RARB: variants seen among roughly 807,000 people sequenced by gnomAD.
The protein encoded by RARB is retinoic acid receptor beta.
RARB carries 17 observed loss-of-function variants against 51.9 expected under a neutral mutation model. The observed-to-expected ratio is 0.33, with a 90% CI of 0.22 to 0.49. The LOEUF (loss-of-function observed/expected upper bound fraction) is 0.49. Ranked by LOEUF, RARB falls within the 20% of genes least tolerant of loss-of-function variation. The probability of loss-of-function intolerance (pLI) is 0.99; values close to 1 mark genes in which losing one functional copy is unlikely to be tolerated. For missense variants in RARB, 369 were observed against 550.8 expected (o/e 0.67, Z 3.30); for synonymous variants, 215 against 195.4 (o/e 1.10, Z -0.84).
At chr3:24,985,277 G>A (rs770224733) in intron 2 of RARB, among the ~76,000 whole-genome samples, 2 of 151,878 alleles carry the variant, frequency 1.3e-5, no homozygotes, top group African/African-American at 2.4e-5. Flanking sequence ...CCAACATCTT[G>A]AGACCTTAAG....
intron 4 of RARB, among the ~76,000 whole-genome samples, chr3:25,163,504 A>AAAATATATATATATATATATATATAT (rs1303712411): frequency 3.1e-5 from 4 of 131,110 alleles, no homozygotes; most frequent in African/African-American, 9.6e-5. Flanking sequence ...CCTATCTCAA[A>AAAATATATATATATATATATATATAT]ATATATATAT....
chr3:25,362,363 C>A (rs1321481243), intron 5 of RARB, among the ~76,000 whole-genome samples: 1 of 152,186 alleles, frequency 6.6e-6, no homozygotes, highest in Admixed American at 6.5e-5. Flanking sequence ...AGTCCCAGGT[C>A]AACTTCAGAC....
chr3:25,394,009 T>C (rs1190614239), intron 5 of RARB, among the ~76,000 whole-genome samples: 1 of 152,124 alleles, frequency 6.6e-6, no homozygotes, highest in East Asian at 1.9e-4. Context: ...CCTTAGATTG[T>C]CTATTTGTGT....
intron 5 of RARB, among the ~76,000 whole-genome samples, chr3:25,192,967 C>A (rs971615230): frequency 6.6e-6 from 1 of 151,960 alleles, no homozygotes; most frequent in African/African-American, 2.4e-5. Context: ...AGCTTACATT[C>A]TAGAAGGAAG....
rs1005845717 is a variant in RARB at position 25,597,310 on chromosome 3, G to GTAAC, written c.*696_*699dup. 17 of 152,684 alleles carry GTAAC rather than the reference G, an allele frequency of 1.1e-4. No individual in the cohort carries two copies. The highest frequency in any genetic ancestry group is 3.3e-4 in the Admixed American group (5 of 15,304). 9.5% of individuals were successfully genotyped at this position (152,684 alleles called of 1,614,324 possible). ...TAGCAGAAGAGAATTCTGTATCAGT[G>GTAAC]TAACTGCCAGTTCAGTTAATCAAAT... is the stretch of plus-strand genomic sequence containing the variant. On this transcript the variant is annotated 3_prime_UTR_variant, in exon 8 of 8. Transcript: ENST00000330688.
At chr3:25,026,311 T>C (rs1697747307) in intron 2 of RARB, among the ~76,000 whole-genome samples, 1 of 152,196 alleles carries the variant, frequency 6.6e-6, no homozygotes, top group Admixed American at 6.5e-5. Context: ...AATAGAAATT[T>C]ATTTTCTCAC....
At chr3:25,220,407 C>T (rs185501837) in intron 5 of RARB, among the ~76,000 whole-genome samples, 2 of 152,278 alleles carry the variant, frequency 1.3e-5, no homozygotes, top group East Asian at 1.9e-4. Flanking sequence ...AGAGAACTAA[C>T]ACATTAGGGG....
intron 4 of RARB, among the ~76,000 whole-genome samples, chr3:25,571,234 C>A (rs1420122247): frequency 6.6e-6 from 1 of 152,216 alleles, no homozygotes; most frequent in Admixed American, 6.5e-5. Context: ...AGAGGTAGAA[C>A]CTTGAGCAGT....
chr3:25,204,797 G>C (rs1039753326), intron 5 of RARB, among the ~76,000 whole-genome samples: 13 of 152,162 alleles, frequency 8.5e-5, no homozygotes, highest in African/African-American at 3.1e-4. Flanking sequence ...TTTTGTCTCA[G>C]AGTAGTACCC....
At chr3:24,937,181 TA>T (rs1187510763) in intron 2 of RARB, among the ~76,000 whole-genome samples, 2 of 152,222 alleles carry the variant, frequency 1.3e-5, no homozygotes, top group Non-Finnish European at 2.9e-5. Flanking sequence ...AAACAAAAAT[TA>T]AAGTCGTGTC....
chr3:25,359,974 A>G (rs1409981950), intron 5 of RARB, among the ~76,000 whole-genome samples: 2 of 152,098 alleles, frequency 1.3e-5, no homozygotes, highest in South Asian at 2.1e-4. Flanking sequence ...GGAGAATTCC[A>G]TAGACATCTA....
At chr3:25,534,559 G>T (rs998128754) in intron 3 of RARB, among the ~76,000 whole-genome samples, 2 of 152,068 alleles carry the variant, frequency 1.3e-5, no homozygotes, top group Non-Finnish European at 2.9e-5. Flanking sequence ...GGTGTAACAG[G>T]TTCCCTTATC....
chr3:24,990,403 A>G lies in RARB; in HGVS notation c.-379-69722A>G, dbSNP rs538613758. 2.0e-4 allele frequency among the ~76,000 whole-genome samples: 15 copies of G among 76,104 alleles called. 1 individual carries two copies. Among genetic ancestry groups the G allele is most frequent in the Non-Finnish European group, 3.5e-4 (15 of 42,462 alleles). The allele number at this position is 76,104 out of a possible 152,430, so 49.9% of individuals were successfully genotyped here. The stretch of plus-strand genomic sequence containing the variant: ...CATGTGTTCTCATTGTTCAATTGCC[A>G]TCTATGATAATCAAACTTTCCTACA... On this transcript the variant is annotated intron_variant, in intron 2 of 11. Coordinates refer to the RARB transcript ENST00000383772.
At chr3:24,935,770 T>A (rs114648224) in intron 2 of RARB, among the ~76,000 whole-genome samples, 3,008 of 152,278 alleles carry the variant, frequency 0.02, 58 homozygotes, top group Middle Eastern at 0.065. Context: ...CACTTGCTCA[T>A]GTGATTACTC....
intron 3 of RARB, among the ~76,000 whole-genome samples, chr3:25,123,122 A>T (rs989715042): frequency 4.6e-5 from 7 of 152,232 alleles, no homozygotes; most frequent in African/African-American, 7.2e-5. Context: ...GAGGAGTTTC[A>T]TAACTGTTTT....
At chr3:25,158,057 A>G (rs1413850949) in intron 4 of RARB, among the ~76,000 whole-genome samples, 1 of 152,262 alleles carries the variant, frequency 6.6e-6, no homozygotes, top group Non-Finnish European at 1.5e-5. Flanking sequence ...TGATATTTGC[A>G]CCAATGAAGT....
intron 5 of RARB, among the ~76,000 whole-genome samples, chr3:25,365,157 A>G (rs563074673): frequency 1.3e-5 from 2 of 148,390 alleles, no homozygotes; most frequent in South Asian, 4.3e-4. Context: ...TGTCCTGTGT[A>G]CCATGCAAAA....
At chr3:24,849,527 A>T (rs531410849) in intron 1 of RARB, among the ~76,000 whole-genome samples, 1 of 152,386 alleles carries the variant, frequency 6.6e-6, no homozygotes, top group Admixed American at 6.5e-5. Context: ...ATTAAGTGAT[A>T]TGTAACCTTG....
chr3:25,428,472 T>C lies in RARB; in HGVS notation c.-260T>C. 7.9e-7 allele frequency: 1 copy of C among 1,270,262 alleles called. No homozygotes were observed. Among genetic ancestry groups the C allele is most frequent in the Non-Finnish European group, 9.9e-7 (1 of 1,009,666 alleles). The allele number at this position is 1,270,262 out of a possible 1,614,324, so 78.7% of individuals were successfully genotyped here. ...GCAAGCATTTACTTGGAAGGAGAAC[T>C]TGGGATCTTTCTGGGAACCCCCCGC... On this transcript the variant is annotated 5_prime_UTR_variant, in exon 1 of 8. Transcript: ENST00000330688.
Sources: gnomAD v4.1 joint callset for allele counts (sites outside exome capture counted in the v4.1 genomes callset) on GRCh38, gnomAD v4.1.1 for gene constraint, MANE v1.5 for transcripts, NCBI Gene and HGNC (gene_info 2026-07-23, HGNC 2026-07-21) for gene names.